The following KANK1 variants were observed in gnomAD, a reference collection of about 807,000 sequenced individuals.
The protein encoded by KANK1 is KN motif and ankyrin repeat domains 1.
A neutral mutation model predicts 106.2 loss-of-function variants in KANK1; 109 were observed. The ratio of observed to expected loss-of-function variants is 1.03; its 90% CI spans 0.88 to 1.20. The LOEUF (loss-of-function observed/expected upper bound fraction) is 1.20. KANK1 is among the 50% of genes most tolerant of loss of function. The probability of loss-of-function intolerance (pLI) is 0.00; values close to 1 mark genes in which losing one functional copy is unlikely to be tolerated. For synonymous variants in KANK1, 873 were observed against 652.2 expected (o/e 1.34, Z -5.16); for missense variants, 2,399 against 1,710.7 (o/e 1.40, Z -7.10).
intron 3 of KANK1, among the ~76,000 whole-genome samples, chr9:477,014 A>G (rs1587186421): frequency 6.6e-6 from 1 of 152,182 alleles, no homozygotes; most frequent in Non-Finnish European, 1.5e-5. Context: ...ATGAACATCT[A>G]CAAGTTTATG....
chr9:531,258 G>A (rs1220435006), intron 1 of KANK1, among the ~76,000 whole-genome samples: 1 of 152,126 alleles, frequency 6.6e-6, no homozygotes, highest in African/African-American at 2.4e-5. Flanking sequence ...GGGCAACAAA[G>A]CAAGAACCTT....
At chr9:574,238 G>A (rs1417710604) in intron 1 of KANK1, among the ~76,000 whole-genome samples, 3 of 152,260 alleles carry the variant, frequency 2.0e-5, no homozygotes, top group Admixed American at 2.0e-4. Context: ...AGGATCATGA[G>A]GATGTTGAGT....
chr9:744,034 C>T lies in KANK1; in HGVS notation c.3898-457C>T, dbSNP rs190948379. ...GGATCTGTGCAACCCACTGGGATTG[C>T]GTGCTTACACACAGATGTTACTTGT... On this transcript the variant is annotated intron_variant, in intron 10 of 11. Transcript: ENST00000382297. Among the ~76,000 whole-genome samples the T allele has an allele frequency of 1.7e-3, 260 of 152,276 alleles. 1 individual carries two copies. The highest frequency in any genetic ancestry group is 5.9e-3 in the African/African-American group (244 of 41,538).
intron 1 of KANK1, among the ~76,000 whole-genome samples, chr9:578,161 A>G (rs1473824952): frequency 6.6e-6 from 1 of 152,238 alleles, no homozygotes; most frequent in East Asian, 1.9e-4. Flanking sequence ...GACTCCTCAG[A>G]AAATTGCTTT....
At chr9:579,569 A>C (rs369372947) in intron 1 of KANK1, among the ~76,000 whole-genome samples, 1 of 152,022 alleles carries the variant, frequency 6.6e-6, no homozygotes, top group Admixed American at 6.5e-5. Flanking sequence ...CTCAGCCCCA[A>C]TTTTAAAACC....
chr9:737,091 C>T (rs977328237), intron 7 of KANK1, among the ~76,000 whole-genome samples: 40 of 152,146 alleles, frequency 2.6e-4, no homozygotes, highest in Non-Finnish European at 4.4e-5. Flanking sequence ...GACGAGTAAA[C>T]ACAATGCCAG....
chr9:525,259 T>C (rs572638287), intron 1 of KANK1, among the ~76,000 whole-genome samples: 1 of 151,652 alleles, frequency 6.6e-6, no homozygotes, highest in Admixed American at 6.6e-5. Context: ...CCTCCCAAAG[T>C]GCTGGGATTA....
rs1019826466 is a variant in KANK1 at position 696,209 on chromosome 9, G to A, written c.38-14595G>A. Among the ~76,000 whole-genome samples, 9 of 152,012 alleles carry A rather than the reference G, an allele frequency of 5.9e-5. No individual in the cohort carries two copies. The South Asian group carries it at 1.5e-3, about 25-fold the overall frequency. The stretch of plus-strand genomic sequence containing the variant: ...TGAGGCAGGAGAATGGCGTGAACCC[G>A]GGAGGCGGAGTTTGCAGGGAGCCGA... On this transcript the variant is annotated intron_variant, in intron 2 of 11. Transcript: ENST00000382297.
intron 1 of KANK1, among the ~76,000 whole-genome samples, chr9:580,789 T>A (rs1359979235): frequency 6.6e-6 from 1 of 152,160 alleles, no homozygotes; most frequent in Non-Finnish European, 1.5e-5. Flanking sequence ...AGCCCTTGGG[T>A]AGTCAATGGG....
intron 1 of KANK1, chr9:660,148 T>C (rs1415752961): frequency 6.0e-6 from 2 of 336,000 alleles, no homozygotes; most frequent in East Asian, 7.3e-5. Context: ...CTGATGATTA[T>C]GATAAAAAGA....
In KANK1 at chr9:710,791, C is replaced by G. The variant is rs750929580; in HGVS notation, c.38-13C>G. ...TTGCATGTCATTATAATATTCTTTT[C>G]TCCCTCTTCTAGGAAAAGCAGGTGA... On this transcript the variant is annotated splice_polypyrimidine_tract_variant and intron_variant, in intron 2 of 11. Transcript: ENST00000382297. 1.9e-6 allele frequency: 3 copies of G among 1,556,948 alleles called. No individual in the cohort carries two copies. Among genetic ancestry groups the G allele is most frequent in the Non-Finnish European group, 2.6e-6 (3 of 1,156,850 alleles).
rs200662387 is a variant in KANK1, at chr9:712,934, G to C, written c.2168G>C (p.Arg723Pro). The change falls in exon 3 of 12, where the codon CGT (arginine) becomes CCT (proline). Residue 723 changes from arginine (R) to proline (P), a missense_variant. Coordinates refer to ENST00000382297, the MANE Select transcript of KANK1 (RefSeq NM_015158.5). ...ETRTVAVGEG[R>P]VKDINSSTKT... is the part of the protein sequence containing the mutation. ...CGGACAGTAGCTGTAGGAGAAGGCCGTGTCAAGGACATCAACTCCTCCACC... is the reference window on the plus strand; with the variant it reads ...CGGACAGTAGCTGTAGGAGAAGGCCCTGTCAAGGACATCAACTCCTCCACC... The C allele has an allele frequency of 6.2e-7, 1 of 1,614,180 alleles. No individual in the cohort carries two copies. The highest frequency in any genetic ancestry group is 8.5e-7 in the Non-Finnish European group (1 of 1,180,044).
rs72693465 is a variant in KANK1 at position 738,055 on chromosome 9, T to C, written c.3334-230T>C. On this transcript the variant is annotated intron_variant, in intron 7 of 11. Transcript: ENST00000382297. ...TGGCTCCAGAGCCTCTGCTTCTGCA[T>C]GGTGCTGTCTGGTCTCCTTTATAGA... Among the ~76,000 whole-genome samples the C allele has an allele frequency of 0.06, 9,092 of 152,288 alleles. 698 individuals are homozygous for C. The highest frequency in any genetic ancestry group is 0.22 in the East Asian group (1,127 of 5,180).
At chr9:640,572 A>G (rs370255956) in intron 1 of KANK1, among the ~76,000 whole-genome samples, 15 of 151,018 alleles carry the variant, frequency 9.9e-5, no homozygotes, top group East Asian at 9.7e-4. Flanking sequence ...TAATTTTTGT[A>G]TTTTTGTACA....
intron 2 of KANK1, among the ~76,000 whole-genome samples, chr9:706,258 A>G (rs1421276242): frequency 6.6e-6 from 1 of 152,214 alleles, no homozygotes; most frequent in African/African-American, 2.4e-5. Context: ...GTTAAATTCT[A>G]ACCTCTTCTG....
In KANK1 at chr9:598,620, C is replaced by CTTTTTTTTTTTTTTTTTTTTTTTTTT. The variant is rs3028166; in HGVS notation, c.-83-78265_-83-78240dup. ...TTTTTTGTTTTGTTTTGTTGGTTTT[C>CTTTTTTTTTTTTTTTTTTTTTTTTTT]TTTTTTTTTTTTTTTTTTTTTTTTT... On this transcript the variant is annotated intron_variant, in intron 1 of 11. Transcript: ENST00000382297. Among the ~76,000 whole-genome samples, 8 of 46,680 alleles carry CTTTTTTTTTTTTTTTTTTTTTTTTTT rather than the reference C, an allele frequency of 1.7e-4. 1 individual carries two copies. The highest frequency in any genetic ancestry group is 2.6e-4 in the Non-Finnish European group (6 of 23,144). 30.6% of individuals were successfully genotyped at this position (46,680 alleles called of 152,430 possible). A position where few individuals can be genotyped will look rare whatever the true frequency, so the allele number is the denominator to read the frequency against.
At chr9:661,020 C>T (rs899237265) in intron 1 of KANK1, among the ~76,000 whole-genome samples, 45 of 152,198 alleles carry the variant, frequency 3.0e-4, no homozygotes, top group Admixed American at 2.0e-4. Flanking sequence ...AGCTGTAGAG[C>T]TTGCAACTTA....
chr9:736,323 A>G (rs1010664735), intron 7 of KANK1, among the ~76,000 whole-genome samples: 5 of 152,122 alleles, frequency 3.3e-5, no homozygotes, highest in Non-Finnish European at 7.3e-5. Context: ...TTTGTATTAC[A>G]TATTTTTTAA....
rs1345602285 is a variant in KANK1, at chr9:706,969, AC to A, written c.38-3834del. The A allele has an allele frequency of 5.9e-5, 58 of 985,394 alleles. 1 individual carries two copies. In the African/African-American group the frequency reaches 1.0e-3, roughly 17 times the overall value. 61.0% of individuals were successfully genotyped at this position (985,394 alleles called of 1,614,324 possible). A position where few individuals can be genotyped will look rare whatever the true frequency, so the allele number is the denominator to read the frequency against. On this transcript the variant is annotated intron_variant, in intron 2 of 11. Coordinates refer to ENST00000382297, the MANE Select transcript of KANK1 (RefSeq NM_015158.5). ...AGCTGGCAAAGCGGGAGTGAAGAACACACATTTTCAGAAGATACCGGTTTCC... is the reference window on the plus strand; with the variant it reads ...AGCTGGCAAAGCGGGAGTGAAGAACAACATTTTCAGAAGATACCGGTTTCC...
Sources: gnomAD v4.1 joint callset for allele counts (sites outside exome capture counted in the v4.1 genomes callset) on GRCh38, gnomAD v4.1.1 for gene constraint, MANE v1.5 for transcripts, NCBI Gene and HGNC (gene_info 2026-07-23, HGNC 2026-07-21) for gene names.